HTR3A: variants seen among roughly 807,000 people sequenced by gnomAD.
HTR3A encodes 5-hydroxytryptamine receptor 3A, also known as 5-hydroxytryptamine (serotonin) receptor 3A, ionotropic.
Under a neutral mutation model 54.8 loss-of-function variants are expected in HTR3A, and 45 were observed. The observed-to-expected ratio is 0.82, with a 90% confidence interval of 0.65 to 1.05. The LOEUF (loss-of-function observed/expected upper bound fraction) is 1.05. HTR3A is among the 50% of genes least tolerant of loss of function. The pLI, the probability that HTR3A is intolerant of heterozygous loss-of-function variation, is 0.00. For missense variants in HTR3A, 657 were observed against 614.0 expected, an observed-to-expected ratio of 1.07 and a Z score of -0.74; for synonymous variants, 297 against 256.0, an observed-to-expected ratio of 1.16 and a Z score of -1.53.
intron 1 of HTR3A, chr11:113,977,509 G>C (rs1003815631): frequency 2.6e-6 from 4 of 1,550,538 alleles, no homozygotes; most frequent in Non-Finnish European, 2.6e-6. Flanking sequence ...CAGCTGTCTT[G>C]TGCCACTTGC....
At chr11:113,977,998 C>A in intron 2 of HTR3A, 76 bp downstream of exon 2, 1 of 1,548,388 alleles carries the variant, frequency 6.5e-7, no homozygotes, top group South Asian at 1.1e-5. Flanking sequence ...AAGTCACCCC[C>A]TATGCAGCTT....
chr11:113,987,020 A>G lies in HTR3A; in HGVS notation c.1112A>G (p.Gln371Arg). The G allele has an allele frequency of 6.2e-7, 1 of 1,613,742 alleles. No homozygotes were observed. Among genetic ancestry groups the G allele is most frequent in the Non-Finnish European group, 8.5e-7 (1 of 1,179,984 alleles). The change falls in exon 8 of 9, where the codon CAA (glutamine) becomes CGA (arginine). Residue 371 changes from glutamine to arginine, a missense_variant. Physicochemically the swap from Gln to Arg is conservative, Grantham distance 43 (BLOSUM62 1). Coordinates refer to ENST00000504030, the MANE Select transcript of HTR3A (RefSeq NM_000869.6). The part of the protein sequence containing the change: ...STSQRPPATS[Q>R]ATKTDDCSAM... ...TCCCAGAGGCCCCCAGCCACCTCCCAAGCCACCAAGACTGATGACTGCTCA... is the reference window on the plus strand; with the variant it reads ...TCCCAGAGGCCCCCAGCCACCTCCCGAGCCACCAAGACTGATGACTGCTCA...
chr11:113,985,899 T>C (rs761077562), intron 5 of HTR3A, 116 bp from the exon 6 acceptor site: 14 of 1,053,330 alleles, frequency 1.3e-5, no homozygotes, highest in South Asian at 1.0e-4. Context: ...GAGGTTGAGG[T>C]TGGGCCATCG....
Position 113,989,794 on chromosome 11 carries a change from A to G in HTR3A, c.*31A>G, listed in dbSNP as rs745872810. The G allele has an allele frequency of 2.5e-6, 4 of 1,600,722 alleles. No homozygotes were observed. Among genetic ancestry groups the G allele is most frequent in the Non-Finnish European group, 3.4e-6 (4 of 1,178,016 alleles). ...TACAGCCCAGTGGAGGAGGGGGTACAGTCCTGGTTAGGTGGGGACAGAGGA... is the reference window on the plus strand; with the variant it reads ...TACAGCCCAGTGGAGGAGGGGGTACGGTCCTGGTTAGGTGGGGACAGAGGA... On this transcript the variant is annotated 3_prime_UTR_variant, in exon 9 of 9. Transcript: ENST00000504030. The surrounding 1 kb of genome is among the most constrained non-coding windows in gnomAD (Gnocchi z 4.4).
At position 113,989,541 on chromosome 11, in the gene HTR3A, C is replaced by A. The variant is rs778753322; in HGVS notation, c.1215C>A (p.Pro405=). 1 of 1,614,164 alleles carries A rather than the reference C, an allele frequency of 6.2e-7. No homozygotes were observed. The highest frequency in any genetic ancestry group is 1.7e-5 in the Admixed American group (1 of 60,024). The part of the protein sequence containing the change: ...EKSPRDRCSP[P]PPPREASLAV... Reference sequence around the variant, plus strand: ...GCCCGAGGGACAGATGTAGCCCTCCCCCACCACCTCGGGAGGCCTCGCTGG... The same window carrying A: ...GCCCGAGGGACAGATGTAGCCCTCCACCACCACCTCGGGAGGCCTCGCTGG... Residue 405 remains proline (P), a synonymous_variant, in exon 9 of 9, where the codon CCC becomes CCA. Transcript: ENST00000504030. This position sits in a 1 kb window ranked among gnomAD's most constrained non-coding sequence, Gnocchi z 4.4.
rs771249304 is a variant in HTR3A, at chr11:113,975,390, A to G, written c.65A>G (p.Glu22Gly). 14 of 1,611,720 alleles carry G rather than the reference A, an allele frequency of 8.7e-6. No homozygotes were observed. In the South Asian group the frequency reaches 1.5e-4, roughly 18 times the overall value. The change falls in exon 1 of 9, where the codon GAA becomes GGA. Residue 22 changes from glutamate to glycine, a missense_variant and splice_region_variant. Transcript: ENST00000504030. ...LLLPTLLAQG[E>G]ARRSRNTTRP... ...CTCCCCACACTCCTGGCACAGGGAG[A>G]AGGTAAGCAGACTTCGGGAAGCAGC...
intron 6 of HTR3A, 137 bp downstream of exon 6, chr11:113,986,312 A>G (rs1227163821): frequency 1.7e-6 from 2 of 1,199,690 alleles, no homozygotes; most frequent in Non-Finnish European, 2.5e-6. Context: ...AGTGAAGTAG[A>G]TGGAGAAACT....
chr11:113,975,113 A>T lies in HTR3A; in HGVS notation c.-213A>T, dbSNP rs972433020. The T allele has an allele frequency of 1.4e-6, 1 of 697,002 alleles. No homozygotes were observed. The highest frequency in any genetic ancestry group is 1.7e-5 in the African/African-American group (1 of 57,216). The allele number at this position is 697,002 out of a possible 1,614,324, so 43.2% of individuals were successfully genotyped here. On this transcript the variant is annotated 5_prime_UTR_variant, in exon 1 of 9. The change abolishes an upstream ATG in the 5' untranslated region. Coordinates refer to ENST00000504030, the MANE Select transcript of HTR3A (RefSeq NM_000869.6). ...CCTCCCCTTTCCTCCCGCCTGAAACATGATCCAGCTGAAGGACTGATTGCA... is the reference window on the plus strand; with the variant it reads ...CCTCCCCTTTCCTCCCGCCTGAAACTTGATCCAGCTGAAGGACTGATTGCA...
At chr11:113,981,698 C>A (rs1229645197) in intron 4 of HTR3A, among the ~76,000 whole-genome samples, 1 of 152,140 alleles carries the variant, frequency 6.6e-6, no homozygotes, top group South Asian at 2.1e-4. Flanking sequence ...GTGGCTCACA[C>A]CTGTAATCCC....
chr11:113,989,397 A>G lies in HTR3A; in HGVS notation c.1139-68A>G. 2 of 1,565,278 alleles carry G rather than the reference A, an allele frequency of 1.3e-6. No homozygotes were observed. The highest frequency in any genetic ancestry group is 1.8e-6 in the Non-Finnish European group (2 of 1,137,368). ...ACAAAAATTTACAGGCTATAGAAGC[A>G]TAAGGAACCATGTTCAGGTCACCAC... On this transcript the variant is annotated intron_variant, in intron 8 of 8. Coordinates refer to ENST00000504030, the MANE Select transcript of HTR3A (RefSeq NM_000869.6). The surrounding 1 kb of genome is among the most constrained non-coding windows in gnomAD (Gnocchi z 4.4).
chr11:113,989,353 A>G lies in HTR3A; in HGVS notation c.1139-112A>G. 2.5e-6 allele frequency: 3 copies of G among 1,185,828 alleles called. No individual in the cohort carries two copies. Among genetic ancestry groups the G allele is most frequent in the South Asian group, 1.2e-5 (1 of 81,118 alleles). 73.5% of individuals were successfully genotyped at this position (1,185,828 alleles called of 1,614,324 possible). A position where few individuals can be genotyped will look rare whatever the true frequency, so the allele number is the denominator to read the frequency against. On this transcript the variant is annotated intron_variant, in intron 8 of 8. Coordinates refer to ENST00000504030, the MANE Select transcript of HTR3A (RefSeq NM_000869.6). The surrounding 1 kb of genome is among the most constrained non-coding windows in gnomAD (Gnocchi z 4.4). ...CCTCCAGCCTGGGTGACAGAGTGAG[A>G]AAAAAAAAGTTATTCCCAACAAAAA...
Position 113,989,453 on chromosome 11 carries a change from C to A in HTR3A, c.1139-12C>A. ...GTCTCCCTCTCTTGCCAATGCCCTGCCCTTCTTCCAGCCATGGGAAACCAC... is the reference window on the plus strand; with the variant it reads ...GTCTCCCTCTCTTGCCAATGCCCTGACCTTCTTCCAGCCATGGGAAACCAC... On this transcript the variant is annotated splice_polypyrimidine_tract_variant and intron_variant, in intron 8 of 8. Transcript: ENST00000504030. The surrounding 1 kb of genome is among the most constrained non-coding windows in gnomAD (Gnocchi z 4.4). The A allele has an allele frequency of 6.2e-7, 1 of 1,613,858 alleles. No homozygotes were observed. The highest frequency in any genetic ancestry group is 8.5e-7 in the Non-Finnish European group (1 of 1,179,972).
Position 113,975,284 on chromosome 11 carries a change from T to G in HTR3A, c.-42T>G. Reference sequence around the variant, plus strand: ...GCAAGCTGGCCCTTGGTGGGCCTCGTCCTGAGCACTCGGAGGCACTCCTAT... The same window carrying G: ...GCAAGCTGGCCCTTGGTGGGCCTCGGCCTGAGCACTCGGAGGCACTCCTAT... On this transcript the variant is annotated 5_prime_UTR_variant, in exon 1 of 9. Transcript: ENST00000504030. 1 of 1,608,906 alleles carries G rather than the reference T, an allele frequency of 6.2e-7. No individual in the cohort carries two copies.
chr11:113,985,214 C>T (rs961771304), intron 5 of HTR3A, among the ~76,000 whole-genome samples: 3 of 152,096 alleles, frequency 2.0e-5, no homozygotes, highest in East Asian at 1.9e-4. Context: ...TTTACGAGTT[C>T]GTATTTTAGA....
rs1483922896 is a variant in HTR3A, at chr11:113,986,118, C to A, written c.648C>A (p.Pro216=). 18 of 1,614,132 alleles carry A rather than the reference C, an allele frequency of 1.1e-5. No individual in the cohort carries two copies. The highest frequency in any genetic ancestry group is 1.5e-5 in the Non-Finnish European group (18 of 1,180,044). The change falls in exon 6 of 9, where the codon CCC becomes CCA. Residue 216 remains proline, a synonymous_variant. Transcript: ENST00000504030. ...QGEWELLGVL[P]YFREFSMESS... is the part of the protein sequence containing the mutation. ...AGTGGGAGTTGCTGGGGGTGCTGCC[C>A]TACTTTCGGGAGTTCAGCATGGAAA... is the stretch of plus-strand genomic sequence containing the variant.
rs750333996 is a variant in HTR3A, at chr11:113,983,190, A to C, written c.445A>C (p.Lys149Gln). The part of the protein sequence containing the change: ...IRHQGEVQNY[K>Q]PLQVVTACSL... ...GCATCAAGGCGAAGTTCAGAACTACAAGCCCCTTCAGGTGGTGACTGCCTG... is the reference window on the plus strand; with the variant it reads ...GCATCAAGGCGAAGTTCAGAACTACCAGCCCCTTCAGGTGGTGACTGCCTG... The change falls in exon 5 of 9, where the codon AAG (lysine) becomes CAG (glutamine). Residue 149 changes from lysine (K) to glutamine (Q), a missense_variant. Physicochemically the swap from Lys to Gln is moderately conservative, Grantham distance 53. Coordinates refer to ENST00000504030, the MANE Select transcript of HTR3A (RefSeq NM_000869.6). 1 of 1,614,212 alleles carries C rather than the reference A, an allele frequency of 6.2e-7. No individual in the cohort carries two copies. Among genetic ancestry groups the C allele is most frequent in the South Asian group, 1.1e-5 (1 of 91,080 alleles).
chr11:113,986,219 C>T, intron 6 of HTR3A, 44 bp downstream of exon 6: 1 of 1,610,944 alleles, frequency 6.2e-7, no homozygotes, highest in Non-Finnish European at 8.5e-7. Flanking sequence ...TAAAGCTTCA[C>T]ATCCAGGTAG....
intron 5 of HTR3A, 72 bp from the exon 6 acceptor site, chr11:113,985,943 G>T (rs1950484520): frequency 5.8e-6 from 9 of 1,545,476 alleles, no homozygotes; most frequent in Non-Finnish European, 8.0e-6. Context: ...GCCCACCTGT[G>T]TCCCATCATC....
intron 2 of HTR3A, among the ~76,000 whole-genome samples, chr11:113,978,950 C>T (rs376527054): frequency 6.6e-6 from 1 of 152,204 alleles, no homozygotes; most frequent in Non-Finnish European, 1.5e-5. Context: ...GATTGTGCCA[C>T]TGCACTGCAG....
Sources: gnomAD v4.1 joint callset for allele counts (sites outside exome capture counted in the v4.1 genomes callset) on GRCh38, gnomAD v4.1.1 for gene constraint, Gnocchi (gnomAD v3.1) non-coding constraint, MANE v1.5 for transcripts, NCBI Gene and HGNC (gene_info 2026-07-23, HGNC 2026-07-21) for gene names.